The following RPS6KA2 variants were observed in gnomAD, a reference collection of about 807,000 sequenced individuals.
The protein encoded by RPS6KA2 is ribosomal protein S6 kinase alpha-2.
Under a neutral mutation model 91.8 loss-of-function variants are expected in RPS6KA2, and 42 were observed. The observed-to-expected ratio is 0.46, with a 90% CI of 0.36 to 0.59. The LOEUF (loss-of-function observed/expected upper bound fraction) is 0.59, where lower values mean the gene tolerates loss of function less well. RPS6KA2 is among the 20% of genes least tolerant of loss of function. The pLI, the probability that RPS6KA2 is intolerant of heterozygous loss-of-function variation, is 0.00. For synonymous variants in RPS6KA2, 414 were observed against 393.6 expected, an observed-to-expected ratio of 1.05 and a Z score of -0.61; for missense variants, 798 against 978.5, an observed-to-expected ratio of 0.82 and a Z score of 2.46.
chr6:166,834,378 A>G (rs1780264650), intron 2 of RPS6KA2, among the ~76,000 whole-genome samples: 1 of 152,114 alleles, frequency 6.6e-6, no homozygotes, highest in Non-Finnish European at 1.5e-5. Flanking sequence ...TGAATACCAC[A>G]TGTTCTCTCT....
chr6:166,413,745 C>G (rs989144364), intron 20 of RPS6KA2, 49 bp downstream of exon 20: 2 of 1,599,960 alleles, frequency 1.3e-6, no homozygotes, highest in Non-Finnish European at 1.7e-6. Flanking sequence ...AGGCTCTTTT[C>G]TGGGTTTCCC....
At chr6:166,573,514 CT>C (rs1784751162) in intron 1 of RPS6KA2, among the ~76,000 whole-genome samples, 1 of 152,268 alleles carries the variant, frequency 6.6e-6, no homozygotes, top group African/African-American at 2.4e-5. Context: ...TAAATTCCTG[CT>C]GAGGAAGGCA....
intron 2 of RPS6KA2, among the ~76,000 whole-genome samples, chr6:166,682,489 TG>T (rs1306327100): frequency 1.3e-5 from 2 of 152,068 alleles, no homozygotes; most frequent in African/African-American, 2.4e-5. Flanking sequence ...GAGACAGCCC[TG>T]GGGAAAGGCA....
chr6:166,640,638 A>G (rs1238894251), intron 2 of RPS6KA2, among the ~76,000 whole-genome samples: 1 of 152,250 alleles, frequency 6.6e-6, no homozygotes, highest in Non-Finnish European at 1.5e-5. Flanking sequence ...CAAGGGGGAA[A>G]TCTCTTCTAA....
chr6:166,514,112 T>C (rs1354790053), intron 3 of RPS6KA2, among the ~76,000 whole-genome samples: 1 of 152,168 alleles, frequency 6.6e-6, no homozygotes, highest in Non-Finnish European at 1.5e-5. Flanking sequence ...GGCTCGGTCT[T>C]CCTAGCCCTT....
rs1447901388 is a variant in RPS6KA2, at chr6:166,793,840, C to T, written c.123+64360G>A. Among the ~76,000 whole-genome samples the T allele has an allele frequency of 5.8e-4, 88 of 151,928 alleles. No homozygotes were observed. The East Asian group carries it at 0.012, about 21-fold the overall frequency. On this transcript the variant is annotated intron_variant, in intron 2 of 21. Transcript: ENST00000503859. ...AACTGGATCCCTTCCTTACACCTTA[C>T]ACAAAAATTAATTCAAGACGGATTA...
intron 12 of RPS6KA2, among the ~76,000 whole-genome samples, chr6:166,455,466 G>A (rs1780070443): frequency 6.6e-6 from 1 of 152,144 alleles, no homozygotes; most frequent in Non-Finnish European, 1.5e-5. Flanking sequence ...GCCAGGTGTC[G>A]GCCCTCAAAG....
chr6:166,619,186 G>T (rs909256357), intron 1 of RPS6KA2, among the ~76,000 whole-genome samples: 4 of 152,148 alleles, frequency 2.6e-5, no homozygotes, highest in Non-Finnish European at 4.4e-5. Flanking sequence ...CGTTTTCTTT[G>T]TTAAGATCTA....
chr6:166,853,478 G>A (rs1394866352), intron 2 of RPS6KA2, among the ~76,000 whole-genome samples: 1 of 152,218 alleles, frequency 6.6e-6, no homozygotes, highest in Non-Finnish European at 1.5e-5. Flanking sequence ...GTGGACAGGT[G>A]GGGCCTCTCC....
chr6:166,648,733 T>C lies in RPS6KA2; in HGVS notation c.124-109949A>G, dbSNP rs1322505152. ...TCACTCCGATCTGTATTACAGTGAT[T>C]ACTCCGGCGTCTGCATCTCGTCCTG... On this transcript the variant is annotated intron_variant, in intron 2 of 21. Transcript: ENST00000503859. This position sits in a 1 kb window ranked among gnomAD's most constrained non-coding sequence, Gnocchi z 4.8. Among the ~76,000 whole-genome samples, 2 of 152,162 alleles carry C rather than the reference T, an allele frequency of 1.3e-5. No homozygotes were observed. Among genetic ancestry groups the C allele is most frequent in the African/African-American group, 2.4e-5 (1 of 41,442 alleles).
chr6:166,507,826 GCA>G (rs981338201), intron 5 of RPS6KA2, among the ~76,000 whole-genome samples: 3 of 144,970 alleles, frequency 2.1e-5, no homozygotes, highest in Non-Finnish European at 4.5e-5. Context: ...CACCCCACAT[GCA>G]CACACACTCA....
intron 16 of RPS6KA2, among the ~76,000 whole-genome samples, chr6:166,429,105 C>A (rs1168650546): frequency 6.6e-6 from 1 of 151,856 alleles, no homozygotes; most frequent in East Asian, 1.9e-4. Context: ...ACTATGCAGC[C>A]ATAAAAAATG....
At chr6:166,724,715 G>A (rs912948428) in intron 2 of RPS6KA2, among the ~76,000 whole-genome samples, 2 of 152,178 alleles carry the variant, frequency 1.3e-5, no homozygotes, top group African/African-American at 4.8e-5. Flanking sequence ...TATGCTGAGG[G>A]TGCAGGTTCC....
intron 2 of RPS6KA2, among the ~76,000 whole-genome samples, chr6:166,714,121 G>C (rs765091601): frequency 2.0e-5 from 3 of 152,178 alleles, no homozygotes; most frequent in Non-Finnish European, 2.9e-5. Flanking sequence ...CTGTGACTTC[G>C]AGCCTAATCC....
chr6:166,427,549 A>G (rs996477072), intron 16 of RPS6KA2, among the ~76,000 whole-genome samples: 10 of 152,308 alleles, frequency 6.6e-5, no homozygotes, highest in African/African-American at 2.4e-4. Context: ...ATATCTAGAA[A>G]ACCCCACTGT....
Position 166,490,808 on chromosome 6 carries a change from C to T in RPS6KA2, c.748-67G>A. 1 of 1,200,468 alleles carries T rather than the reference C, an allele frequency of 8.3e-7. No individual in the cohort carries two copies. Among genetic ancestry groups the T allele is most frequent in the South Asian group, 1.3e-5 (1 of 78,586 alleles). 74.4% of individuals were successfully genotyped at this position (1,200,468 alleles called of 1,614,324 possible). A position where few individuals can be genotyped will look rare whatever the true frequency, so the allele number is the denominator to read the frequency against. On this transcript the variant is annotated intron_variant, in intron 8 of 20. Transcript: ENST00000265678. This position sits in a 1 kb window ranked among gnomAD's most constrained non-coding sequence, Gnocchi z 4.2. ...TGGACCCGGCTTCACGGCAGAGTAC[C>T]CCAGCAGGGCAGCCTGCTACCGTGT... is the stretch of plus-strand genomic sequence containing the variant.
At chr6:166,458,486 C>T (rs1418213878) in intron 12 of RPS6KA2, among the ~76,000 whole-genome samples, 1 of 152,218 alleles carries the variant, frequency 6.6e-6, no homozygotes, top group Non-Finnish European at 1.5e-5. Context: ...TGCCCAGTCT[C>T]AGGTATGTCT....
intron 1 of RPS6KA2, among the ~76,000 whole-genome samples, chr6:166,587,194 T>C (rs1785203810): frequency 6.6e-6 from 1 of 152,168 alleles, no homozygotes; most frequent in Non-Finnish European, 1.5e-5. Flanking sequence ...AATATTTTCC[T>C]GAAACACAAG....
intron 2 of RPS6KA2, among the ~76,000 whole-genome samples, chr6:166,699,269 A>G (rs1189339864): frequency 1.3e-5 from 2 of 152,200 alleles, no homozygotes; most frequent in Admixed American, 6.5e-5. Context: ...AATTGCTTCC[A>G]CTTGAGAGGA....
Sources: allele counts gnomAD v4.1 joint callset (sites outside exome capture counted in the v4.1 genomes callset), GRCh38; gene constraint gnomAD v4.1.1; non-coding constraint Gnocchi (gnomAD v3.1); transcripts MANE v1.5; gene names NCBI Gene and HGNC (gene_info 2026-07-23, HGNC 2026-07-21).